Variants in HACD2 observed in about 807,000 individuals in gnomAD.
The protein encoded by HACD2 is 3-hydroxyacyl-CoA dehydratase 2, also known as very-long-chain (3R)-3-hydroxyacyl-CoA dehydratase 2.
HACD2 carries 15 observed loss-of-function variants against 31.0 expected under a neutral mutation model. That is an observed-to-expected ratio of 0.48 (90% CI 0.32 to 0.75). The LOEUF (loss-of-function observed/expected upper bound fraction) is 0.75, where lower values mean the gene tolerates loss of function less well. Ranked by LOEUF, HACD2 falls within the 30% of genes least tolerant of loss-of-function variation. The pLI is 0.03. For synonymous variants in HACD2, 115 were observed against 122.2 expected (o/e 0.94, Z 0.39); for missense variants, 283 against 313.0 (o/e 0.90, Z 0.72).
intron 3 of HACD2, among the ~76,000 whole-genome samples, chr3:123,561,523 G>A (rs917366108): frequency 1.3e-5 from 2 of 151,236 alleles, no homozygotes; most frequent in Admixed American, 1.4e-4. Context: ...TACAATTTCT[G>A]ACATGAAAGT....
At chr3:123,514,987 A>G (rs1463840606) in intron 4 of HACD2, among the ~76,000 whole-genome samples, 1 of 152,266 alleles carries the variant, frequency 6.6e-6, no homozygotes, top group East Asian at 1.9e-4. Context: ...AAACAGTTAT[A>G]CAGAAATTTG....
intron 6 of HACD2, among the ~76,000 whole-genome samples, chr3:123,496,151 G>A (rs2055830051): frequency 6.6e-6 from 1 of 152,120 alleles, no homozygotes; most frequent in Admixed American, 6.5e-5. Context: ...AGCCTCCTGA[G>A]TAGCTGGGAC....
intron 4 of HACD2, among the ~76,000 whole-genome samples, chr3:123,513,405 G>C (rs2056088515): frequency 6.6e-6 from 1 of 152,184 alleles, no homozygotes; most frequent in African/African-American, 2.4e-5. Context: ...GGAGAAACCT[G>C]GCAGATGCTA....
chr3:123,517,560 T>C (rs1386198643), intron 4 of HACD2, among the ~76,000 whole-genome samples: 2 of 152,188 alleles, frequency 1.3e-5, no homozygotes, highest in Admixed American at 6.5e-5. Flanking sequence ...TTCTCAGCAA[T>C]TGGTGACTGT....
chr3:123,507,016 G>A (rs1452688556), intron 4 of HACD2, among the ~76,000 whole-genome samples: 1 of 152,098 alleles, frequency 6.6e-6, no homozygotes, highest in African/African-American at 2.4e-5. Flanking sequence ...CCAGTGTTTT[G>A]GGAGGCTGAG....
chr3:123,569,813 C>A lies in HACD2; in HGVS notation c.274-2033G>T, dbSNP rs192143006. Among the ~76,000 whole-genome samples the A allele has an allele frequency of 4.2e-3, 643 of 151,802 alleles. 3 individuals carry two copies. The highest frequency in any genetic ancestry group is 0.015 in the African/African-American group (611 of 41,432). On this transcript the variant is annotated intron_variant, in intron 2 of 6. Coordinates refer to ENST00000383657, the MANE Select transcript of HACD2 (RefSeq NM_198402.5). Reference sequence around the variant, plus strand: ...GACCAGCTTGGCCAACATGGTGAAACCCCATCTCTACTAAAAATACAAAAA... The same window carrying A: ...GACCAGCTTGGCCAACATGGTGAAAACCCATCTCTACTAAAAATACAAAAA...
At chr3:123,568,916 G>C (rs35021165) in intron 2 of HACD2, among the ~76,000 whole-genome samples, 1 of 152,180 alleles carries the variant, frequency 6.6e-6, no homozygotes, top group Non-Finnish European at 1.5e-5. Flanking sequence ...GGCAGTAAAT[G>C]ATGGTCAGGA....
intron 3 of HACD2, among the ~76,000 whole-genome samples, chr3:123,549,670 C>G (rs1043835367): frequency 9.9e-5 from 15 of 152,046 alleles, no homozygotes; most frequent in Admixed American, 1.3e-4. Context: ...ATTGCTTGAG[C>G]CTGGGAAGTT....
At chr3:123,566,235 G>A (rs189732698) in intron 3 of HACD2, among the ~76,000 whole-genome samples, 11 of 152,118 alleles carry the variant, frequency 7.2e-5, no homozygotes, top group Non-Finnish European at 1.3e-4. Flanking sequence ...CTCTCTACCC[G>A]TAATCCCAGG....
Position 123,502,412 on chromosome 3 carries a change from C to T in HACD2, c.503+148G>A. 3 of 708,406 alleles carry T rather than the reference C, an allele frequency of 4.2e-6. No individual in the cohort carries two copies. The South Asian group carries it at 5.9e-5, about 14-fold the overall frequency. The allele number at this position is 708,406 out of a possible 1,614,324, so 43.9% of individuals were successfully genotyped here. A position where few individuals can be genotyped will look rare whatever the true frequency, so the allele number is the denominator to read the frequency against. ...CGTTAGTCAAAGTTAAGTACAGACTCCTATTCTGATGAAATCTACAGACAA... is the reference window on the plus strand; with the variant it reads ...CGTTAGTCAAAGTTAAGTACAGACTTCTATTCTGATGAAATCTACAGACAA... On this transcript the variant is annotated intron_variant, in intron 5 of 6. Coordinates refer to ENST00000383657, the MANE Select transcript of HACD2 (RefSeq NM_198402.5).
chr3:123,555,185 T>C (rs1483862401), intron 3 of HACD2, among the ~76,000 whole-genome samples: 2 of 152,222 alleles, frequency 1.3e-5, no homozygotes, highest in Non-Finnish European at 2.9e-5. Context: ...AATAATTTTA[T>C]CTTATTGAGT....
chr3:123,558,330 G>A (rs967207936), intron 3 of HACD2, among the ~76,000 whole-genome samples: 8 of 152,134 alleles, frequency 5.3e-5, no homozygotes, highest in African/African-American at 1.9e-4. Flanking sequence ...CTGTATGACA[G>A]TATAATATTA....
At chr3:123,555,853 A>G (rs1323028981) in intron 3 of HACD2, among the ~76,000 whole-genome samples, 2 of 152,248 alleles carry the variant, frequency 1.3e-5, no homozygotes, top group African/African-American at 4.8e-5. Flanking sequence ...TATTGGCAAA[A>G]TAATAAACAT....
intron 3 of HACD2, among the ~76,000 whole-genome samples, chr3:123,534,314 TG>T (rs1426995066): frequency 6.6e-6 from 1 of 152,130 alleles, no homozygotes; most frequent in Non-Finnish European, 1.5e-5. Flanking sequence ...TATATGATGA[TG>T]GTCCCATAAG....
rs764129554 is a variant in HACD2 at position 123,584,973 on chromosome 3, T to TCCCGCC, written c.54_55insGGCGGG (p.Gly17_Gly18dup). 6.1e-6 allele frequency: 9 copies of TCCCGCC among 1,483,962 alleles called. No homozygotes were observed. In the South Asian group the frequency reaches 9.8e-5, roughly 16 times the overall value. The allele number at this position is 1,483,962 out of a possible 1,614,324, so 91.9% of individuals were successfully genotyped here. A position where few individuals can be genotyped will look rare whatever the true frequency, so the allele number is the denominator to read the frequency against. The stretch of plus-strand genomic sequence containing the variant: ...CCGCTGGCGTCCCCGGCCCCGGCCC[T>TCCCGCC]GCCACCGCCGCCCCCATTCCCCTTC... On this transcript the variant is annotated inframe_insertion, in exon 1 of 7. Coordinates refer to ENST00000383657, the MANE Select transcript of HACD2 (RefSeq NM_198402.5).
intron 3 of HACD2, among the ~76,000 whole-genome samples, chr3:123,566,946 G>GT (rs919221450): frequency 3.9e-5 from 6 of 152,180 alleles, no homozygotes; most frequent in African/African-American, 1.4e-4. Context: ...CATCTGAACT[G>GT]TAAGTTTCCC....
intron 6 of HACD2, among the ~76,000 whole-genome samples, chr3:123,496,881 C>T (rs2055839629): frequency 6.6e-6 from 1 of 152,190 alleles, no homozygotes; most frequent in Admixed American, 6.5e-5. Flanking sequence ...GGAGAATGAC[C>T]TGGAAGTCAT....
chr3:123,512,928 C>T (rs1299794837), intron 4 of HACD2, among the ~76,000 whole-genome samples: 1 of 152,202 alleles, frequency 6.6e-6, no homozygotes, highest in African/African-American at 2.4e-5. Flanking sequence ...AGCACCTCAT[C>T]TACCCAGATC....
chr3:123,585,049 C>T lies in HACD2; in HGVS notation c.-22G>A. 6.9e-7 allele frequency: 1 copy of T among 1,439,840 alleles called. No homozygotes were observed. The highest frequency in any genetic ancestry group is 3.0e-5 in the East Asian group (1 of 33,222). 89.2% of individuals were successfully genotyped at this position (1,439,840 alleles called of 1,614,324 possible). ...CCATGTCAAGTGCCCGAAGCCCGCT[C>T]TCCTAGCGCGAGCGGCTCGGGCCGG... On this transcript the variant is annotated 5_prime_UTR_variant, in exon 1 of 7. Transcript: ENST00000383657.
Sources: gnomAD v4.1 joint callset for allele counts (sites outside exome capture counted in the v4.1 genomes callset) on GRCh38, gnomAD v4.1.1 for gene constraint, MANE v1.5 for transcripts, NCBI Gene and HGNC (gene_info 2026-07-23, HGNC 2026-07-21) for gene names.